The following AHNAK2 variants were observed in gnomAD, a reference collection of about 807,000 sequenced individuals.
AHNAK2 encodes AHNAK nucleoprotein 2.
Under a neutral mutation model 30.7 loss-of-function variants are expected in AHNAK2, and 18 were observed. That is an observed-to-expected ratio of 0.59 (90% CI 0.41 to 0.87). The LOEUF (loss-of-function observed/expected upper bound fraction) is 0.87, where lower values mean the gene tolerates loss of function less well. Ranked by LOEUF, AHNAK2 falls within the 40% of genes least tolerant of loss-of-function variation. The probability of loss-of-function intolerance (pLI) is 0.00; values close to 1 mark genes in which losing one functional copy is unlikely to be tolerated. For missense variants in AHNAK2, 8,604 were observed against 7,373.0 expected (o/e 1.17, Z -6.11); for synonymous variants, 3,590 against 3,073.8 (o/e 1.17, Z -5.56).
chr14:104,947,725 T>C lies in AHNAK2; in HGVS notation c.7726A>G (p.Met2576Val), dbSNP rs1414354838. 2.5e-6 allele frequency: 4 copies of C among 1,612,250 alleles called. No individual in the cohort carries two copies. The African/African-American group carries it at 4.0e-5, about 16-fold the overall frequency. Reference sequence around the variant, plus strand: ...GGGCCCTTGAGGTCCATTTCAGGCATCTTGAAACTGGGCATCTGCACCTTG... The same window carrying C: ...GGGCCCTTGAGGTCCATTTCAGGCACCTTGAAACTGGGCATCTGCACCTTG... The part of the protein sequence containing the change: ...LPKVQMPSFK[M>V]PEMDLKGPQL... The change falls in exon 7 of 7, where the codon ATG (methionine) becomes GTG (valine). Residue 2576 changes from methionine (M) to valine (V), a missense_variant. Transcript: ENST00000333244.
chr14:104,946,385 C>T lies in AHNAK2; in HGVS notation c.9066G>A (p.Lys3022=). ...VSLPSMQGDL[K]TTDISIEPPS... ...GGGGCTCAATGCTGATGTCAGTGGTCTTCAGGTCCCCCTGCATGGAGGGGA... is the reference window on the plus strand; with the variant it reads ...GGGGCTCAATGCTGATGTCAGTGGTTTTCAGGTCCCCCTGCATGGAGGGGA... The change falls in exon 7 of 7, where the codon AAG becomes AAA. Residue 3022 remains lysine (K), a synonymous_variant. Coordinates refer to ENST00000333244, the MANE Select transcript of AHNAK2 (RefSeq NM_138420.4). The T allele has an allele frequency of 1.9e-6, 3 of 1,612,542 alleles. No individual in the cohort carries two copies. The highest frequency in any genetic ancestry group is 2.5e-6 in the Non-Finnish European group (3 of 1,179,540).
Position 104,942,419 on chromosome 14 carries a change from A to C in AHNAK2, c.13032T>G (p.Thr4344=), listed in dbSNP as rs747613610. ...CGGAAGGGGGCTGAATGCTGAGGTG[A>C]GTGGTCTTCAGGTCCCCCTGCATGG... ...LPSMQGDLKT[T]HLSIQPPSAD... is the part of the protein sequence containing the mutation. Residue 4344 remains threonine, a synonymous_variant, in exon 7 of 7, where the codon ACT becomes ACG. Coordinates refer to ENST00000333244, the MANE Select transcript of AHNAK2 (RefSeq NM_138420.4). 24 of 1,612,562 alleles carry C rather than the reference A, an allele frequency of 1.5e-5. No individual in the cohort carries two copies. Among genetic ancestry groups the C allele is most frequent in the African/African-American group, 1.2e-4 (9 of 74,492 alleles).
chr14:104,946,715 C>G lies in AHNAK2; in HGVS notation c.8736G>C (p.Lys2912Asn), dbSNP rs1169337730. The G allele has an allele frequency of 6.2e-7, 1 of 1,612,696 alleles. No homozygotes were observed. The part of the protein sequence containing the change: ...PSFKMPKVDL[K>N]GPQIDVKGPK... Reference sequence around the variant, plus strand: ...GGCCCTTGACGTCTATCTGGGGGCCCTTGAGATCCACTTTGGGCATCTTGA... The same window carrying G: ...GGCCCTTGACGTCTATCTGGGGGCCGTTGAGATCCACTTTGGGCATCTTGA... Residue 2912 changes from lysine to asparagine, a missense_variant, in exon 7 of 7, where the codon AAG becomes AAC. By Grantham distance (94) the Lys-to-Asn change is moderately conservative (BLOSUM62 0). Coordinates refer to ENST00000333244, the MANE Select transcript of AHNAK2 (RefSeq NM_138420.4).
chr14:104,946,152 G>C lies in AHNAK2; in HGVS notation c.9299C>G (p.Pro3100Arg). ...LKGPKTDVTAPDVEVSQPGME... is the reference protein window; with the variant it reads ...LKGPKTDVTARDVEVSQPGME... ...GCCGGGCTGAGACACCTCCACGTCG[G>C]GGGCCGTCACGTCCGTCTTCGGGCC... Residue 3100 changes from proline (P) to arginine (R), a missense_variant, in exon 7 of 7, where the codon CCC becomes CGC. Pro to Arg is a moderately radical substitution (Grantham distance 103). Transcript: ENST00000333244. 1 of 1,612,210 alleles carries C rather than the reference G, an allele frequency of 6.2e-7. No individual in the cohort carries two copies. The highest frequency in any genetic ancestry group is 1.1e-5 in the South Asian group (1 of 90,960).
At chr14:104,977,434 G>A (rs1338603346) in intron 1 of AHNAK2, among the ~76,000 whole-genome samples, 3 of 152,182 alleles carry the variant, frequency 2.0e-5, no homozygotes, top group Non-Finnish European at 2.9e-5. Flanking sequence ...CTCAGAGGGA[G>A]GCTACTGACC....
At chr14:104,968,354 C>T (rs1302033170) in intron 1 of AHNAK2, among the ~76,000 whole-genome samples, 1 of 152,048 alleles carries the variant, frequency 6.6e-6, no homozygotes, top group Non-Finnish European at 1.5e-5. Flanking sequence ...CCTGAGCAGG[C>T]GGGGCCTCAG....
chr14:104,955,330 C>T, intron 5 of AHNAK2, 153 bp downstream of exon 5: 1 of 1,303,868 alleles, frequency 7.7e-7, no homozygotes, highest in Middle Eastern at 2.2e-4. Context: ...TTACTAGATG[C>T]AGTGGGTGAT....
In AHNAK2 at chr14:104,943,939, T is replaced by C. The variant is rs1361042881; in HGVS notation, c.11512A>G (p.Ser3838Gly). Residue 3838 changes from serine (S) to glycine (G), a missense_variant, in exon 7 of 7, where the codon AGT (serine) becomes GGT (glycine). Transcript: ENST00000333244. The part of the protein sequence containing the change: ...VSAPKVEADV[S>G]LPSMQGDLKT... ...AGGTCCCCCTGCATGGAGGGGAGAC[T>C]CACATCGGCCTCCACCTTGGGTGCA... The C allele has an allele frequency of 6.2e-7, 1 of 1,612,708 alleles. No individual in the cohort carries two copies. The highest frequency in any genetic ancestry group is 1.7e-5 in the Admixed American group (1 of 59,898).
rs778464484 is a variant in AHNAK2 at position 104,952,826 on chromosome 14, G to C, written c.2625C>G (p.Asp875Glu). 4 of 1,612,470 alleles carry C rather than the reference G, an allele frequency of 2.5e-6. No homozygotes were observed. The Admixed American group carries it at 6.7e-5, about 27-fold the overall frequency. The change falls in exon 7 of 7, where the codon GAC (aspartate) becomes GAG (glutamate). Residue 875 changes from aspartate to glutamate, a missense_variant. Transcript: ENST00000333244. Reference protein sequence around the residue: ...ADVSLSSMQGDLKATDLSIQP... With the variant: ...ADVSLSSMQGELKATDLSIQP... ...GAATGCTGAGGTCAGTGGCCTTGAGGTCCCCCTGCATGGAGGAGAGGCTCA... is the reference window on the plus strand; with the variant it reads ...GAATGCTGAGGTCAGTGGCCTTGAGCTCCCCCTGCATGGAGGAGAGGCTCA...
At chr14:104,967,311 G>A (rs559515982) in intron 1 of AHNAK2, among the ~76,000 whole-genome samples, 16 of 152,246 alleles carry the variant, frequency 1.1e-4, no homozygotes, top group African/African-American at 2.2e-4. Flanking sequence ...GCAACTCCTC[G>A]GAGAAGGGAC....
chr14:104,955,419 C>T (rs573646775), intron 5 of AHNAK2, 64 bp downstream of exon 5: 2 of 1,541,438 alleles, frequency 1.3e-6, no homozygotes, highest in Non-Finnish European at 1.7e-6. Flanking sequence ...TCAATACCCC[C>T]CTCCAGGTCC....
chr14:104,938,535 C>T lies in AHNAK2; in HGVS notation c.16916G>A (p.Ser5639Asn), dbSNP rs1272481059. 37 of 1,613,418 alleles carry T rather than the reference C, an allele frequency of 2.3e-5. No individual in the cohort carries two copies. Among genetic ancestry groups the T allele is most frequent in the Non-Finnish European group, 3.0e-5 (35 of 1,179,736 alleles). Residue 5639 changes from serine to asparagine, a missense_variant, in exon 7 of 7, where the codon AGT (serine) becomes AAT (asparagine). Coordinates refer to ENST00000333244, the MANE Select transcript of AHNAK2 (RefSeq NM_138420.4). ...AAACCAGAGCAGACCAGATTTTTTA[C>T]TTTCTGGTTTGTCTTTTGGAGCCCT... ...EGRAPKDKPESKKSGLLWFWL... is the reference protein window; with the variant it reads ...EGRAPKDKPENKKSGLLWFWL...
At chr14:104,957,221 C>T (rs1034923395) in intron 3 of AHNAK2, among the ~76,000 whole-genome samples, 189 bp downstream of exon 3, 1 of 152,242 alleles carries the variant, frequency 6.6e-6, no homozygotes, top group Non-Finnish European at 1.5e-5. Context: ...ACCTCCATCC[C>T]ACTGTGCCCT....
In AHNAK2 at chr14:104,953,012, C is replaced by G. The variant is rs374620203; in HGVS notation, c.2439G>C (p.Ala813=). The G allele has an allele frequency of 2.5e-6, 4 of 1,612,712 alleles. No individual in the cohort carries two copies. Among genetic ancestry groups the G allele is most frequent in the Admixed American group, 3.3e-5 (2 of 59,942 alleles). Reference sequence around the variant, plus strand: ...CCAGGGACAGGTCCCCCTCCAGCCGCGCACCATCCAGCTTTGCTCTCGGGG... The same window carrying G: ...CCAGGGACAGGTCCCCCTCCAGCCGGGCACCATCCAGCTTTGCTCTCGGGG... ...VQAPRAKLDG[A]RLEGDLSLAD... is the part of the protein sequence containing the mutation. The change falls in exon 7 of 7, where the codon GCG becomes GCC. Residue 813 remains alanine (A), a synonymous_variant. Transcript: ENST00000333244.
Position 104,938,255 on chromosome 14 carries a change from C to T in AHNAK2, c.17196G>A (p.Thr5732=), listed in dbSNP as rs1227706810. 15 of 1,613,760 alleles carry T rather than the reference C, an allele frequency of 9.3e-6. No individual in the cohort carries two copies. Among genetic ancestry groups the T allele is most frequent in the South Asian group, 3.3e-5 (3 of 91,054 alleles). ...AGAAACTTTCTCGGGCATCAAAAAA[C>T]GTGATTGTTTCTTCTTGAAGTTTTT... ...EEQKLQEETI[T]FFDARESFSP... The change falls in exon 7 of 7, where the codon ACG becomes ACA. Residue 5732 remains threonine (T), a synonymous_variant. Transcript: ENST00000333244.
At position 104,940,028 on chromosome 14, in the gene AHNAK2, G is replaced by T; in HGVS notation, c.15423C>A (p.Val5141=). The change falls in exon 7 of 7, where the codon GTC becomes GTA. Residue 5141 remains valine (V), a synonymous_variant. Transcript: ENST00000333244. The surrounding 1 kb of genome is among the most constrained non-coding windows in gnomAD (Gnocchi z 4.4). ...CCTCCCCACAAGGCTGGCTCACTGGGACATCCCCGAGCCCACATCCTCTGC... is the reference window on the plus strand; with the variant it reads ...CCTCCCCACAAGGCTGGCTCACTGGTACATCCCCGAGCCCACATCCTCTGC... ...GDSRGCGLGD[V]PVSQPCGEGI... is the part of the protein sequence containing the mutation. 1.2e-6 allele frequency: 2 copies of T among 1,611,112 alleles called. No homozygotes were observed. The highest frequency in any genetic ancestry group is 2.2e-5 in the South Asian group (2 of 91,004).
chr14:104,946,242 T>C lies in AHNAK2; in HGVS notation c.9209A>G (p.Lys3070Arg), dbSNP rs1221539457. Reference sequence around the variant, plus strand: ...TCCCTTGCGATCTACTTTGGGCATCTTGAAACTGGGCATCTGCAACTTGGG... The same window carrying C: ...TCCCTTGCGATCTACTTTGGGCATCCTGAAACTGGGCATCTGCAACTTGGG... ...HLPKLQMPSFKMPKVDRKGPQ... is the reference protein window; with the variant it reads ...HLPKLQMPSFRMPKVDRKGPQ... Residue 3070 changes from lysine to arginine, a missense_variant, in exon 7 of 7, where the codon AAG becomes AGG. Lys to Arg is a conservative substitution (Grantham distance 26). Coordinates refer to ENST00000333244, the MANE Select transcript of AHNAK2 (RefSeq NM_138420.4). 12 of 1,608,018 alleles carry C rather than the reference T, an allele frequency of 7.5e-6. No individual in the cohort carries two copies. Among genetic ancestry groups the C allele is most frequent in the Non-Finnish European group, 1.0e-5 (12 of 1,177,590 alleles).
At position 104,957,660 on chromosome 14, in the gene AHNAK2, T is replaced by C; in HGVS notation, c.68A>G (p.Gln23Arg). ...TGCACCTGGCTCCCCGGGCTGCAGC[T>C]GACGGCCGGACACTGCAGAGAGAGT... ...PGTPGSVSGR[Q>R]LQPGEPGAET... is the part of the protein sequence containing the mutation. Residue 23 changes from glutamine (Q) to arginine (R), a missense_variant, in exon 2 of 7, where the codon CAG becomes CGG. By Grantham distance (43) the Gln-to-Arg change is conservative. Transcript: ENST00000333244. The C allele has an allele frequency of 6.2e-7, 1 of 1,610,928 alleles. No homozygotes were observed. The highest frequency in any genetic ancestry group is 2.2e-5 in the East Asian group (1 of 44,830).
In AHNAK2 at chr14:104,941,687, C is replaced by A. The variant is rs2140820723; in HGVS notation, c.13764G>T (p.Glu4588Asp). Residue 4588 changes from glutamate to aspartate, a missense_variant, in exon 7 of 7, where the codon GAG becomes GAT. Coordinates refer to ENST00000333244, the MANE Select transcript of AHNAK2 (RefSeq NM_138420.4). ...PKAEVMAPDV[E>D]VSLPSVETDV... ...CCGTCTCCACGCTGGGCAGAGACAC[C>A]TCCACATCGGGGGCCATCACCTCTG... 3 of 1,613,184 alleles carry A rather than the reference C, an allele frequency of 1.9e-6. No individual in the cohort carries two copies. The highest frequency in any genetic ancestry group is 1.7e-4 in the Middle Eastern group (1 of 6,056).
Sources: gnomAD v4.1 joint callset for allele counts (sites outside exome capture counted in the v4.1 genomes callset) on GRCh38, gnomAD v4.1.1 for gene constraint, Gnocchi (gnomAD v3.1) non-coding constraint, MANE v1.5 for transcripts, NCBI Gene and HGNC (gene_info 2026-07-23, HGNC 2026-07-21) for gene names.